Variants in ADAMTSL1 observed in about 807,000 individuals in gnomAD.
The protein encoded by ADAMTSL1 is ADAMTS like 1, also known as ADAMTS-like protein 1.
ADAMTSL1 carries 126 observed loss-of-function variants against 201.8 expected under a neutral mutation model. The ratio of observed to expected loss-of-function variants is 0.62; its 90% CI spans 0.54 to 0.72. ADAMTSL1 has a LOEUF of 0.72. Among genes scored for constraint, ADAMTSL1 ranks in the 30% least tolerant of loss-of-function variants. The pLI is 0.00. For synonymous variants in ADAMTSL1, 1,121 were observed against 903.4 expected (o/e 1.24, Z -4.32); for missense variants, 2,679 against 2,277.8 (o/e 1.18, Z -3.59).
At chr9:18,018,327 C>A (rs183011403) in intron 1 of ADAMTSL1, among the ~76,000 whole-genome samples, 594 of 152,172 alleles carry the variant, frequency 3.9e-3, no homozygotes, top group Non-Finnish European at 6.6e-3. Context: ...GACAGTGTAG[C>A]AGACAACCTT....
At chr9:18,599,151 A>G (rs577997605) in intron 4 of ADAMTSL1, among the ~76,000 whole-genome samples, 2 of 152,316 alleles carry the variant, frequency 1.3e-5, no homozygotes, top group South Asian at 2.1e-4. Context: ...TTATTGAGCC[A>G]CATGATATAA....
chr9:18,844,011 G>A (rs775896039), intron 23 of ADAMTSL1, among the ~76,000 whole-genome samples: 40 of 152,156 alleles, frequency 2.6e-4, no homozygotes, highest in Admixed American at 6.5e-4. Context: ...TAGTTTGATC[G>A]TCTGAAGACT....
intron 23 of ADAMTSL1, among the ~76,000 whole-genome samples, chr9:18,876,945 G>C (rs1828200060): frequency 6.6e-6 from 1 of 152,068 alleles, no homozygotes; most frequent in Non-Finnish European, 1.5e-5. Flanking sequence ...TTGTTCATTT[G>C]TTTTAATCTT....
rs376857976 is a variant in ADAMTSL1 at position 18,730,218 on chromosome 9, T to A, written c.2006+8553T>A. 2.4e-4 allele frequency among the ~76,000 whole-genome samples: 37 copies of A among 152,110 alleles called. No individual in the cohort carries two copies. In the East Asian group the frequency reaches 7.0e-3, roughly 29 times the overall value. On this transcript the variant is annotated intron_variant, in intron 15 of 28. Coordinates refer to ENST00000380548, the MANE Select transcript of ADAMTSL1 (RefSeq NM_001040272.6). ...CTCATGAACAATTTGACGAGAAGAG[T>A]TTTTCTATTGACCTTATAGTTAGAA...
chr9:18,285,941 C>G (rs1169039856), intron 2 of ADAMTSL1, among the ~76,000 whole-genome samples: 1 of 152,094 alleles, frequency 6.6e-6, no homozygotes, highest in Non-Finnish European at 1.5e-5. Context: ...CCACTATGTT[C>G]TATCTAAGAA....
At chr9:18,867,425 T>C (rs1334183962) in intron 23 of ADAMTSL1, among the ~76,000 whole-genome samples, 1 of 152,244 alleles carries the variant, frequency 6.6e-6, no homozygotes, top group East Asian at 1.9e-4. Context: ...GAGTCATTCC[T>C]GATGATTTAA....
intron 2 of ADAMTSL1, among the ~76,000 whole-genome samples, chr9:18,429,884 G>A (rs1335719530): frequency 6.6e-6 from 1 of 151,982 alleles, no homozygotes; most frequent in Non-Finnish European, 1.5e-5. Context: ...CTGCCTCCCG[G>A]GTTCAAGCGA....
intron 1 of ADAMTSL1, among the ~76,000 whole-genome samples, chr9:17,935,307 G>A (rs1826960083): frequency 6.6e-6 from 1 of 152,044 alleles, no homozygotes; most frequent in East Asian, 1.9e-4. Flanking sequence ...TGTTCCCCCG[G>A]CACCAGTTCT....
intron 4 of ADAMTSL1, among the ~76,000 whole-genome samples, chr9:18,580,827 C>A (rs1372794050): frequency 6.6e-6 from 1 of 152,194 alleles, no homozygotes; most frequent in South Asian, 2.1e-4. Context: ...AGAATTTTCA[C>A]TGTGAGAGGA....
intron 1 of ADAMTSL1, among the ~76,000 whole-genome samples, chr9:17,996,973 T>G (rs1368500789): frequency 1.3e-5 from 2 of 152,160 alleles, no homozygotes; most frequent in African/African-American, 4.8e-5. Context: ...GCTTTCTGAT[T>G]TAACCTCCTT....
chr9:18,626,839 T>TACTGTCTTTTTC lies in ADAMTSL1; in HGVS notation c.601+4470_601+4471insACTGTCTTTTTC, dbSNP rs1554717999. Among the ~76,000 whole-genome samples, 111 of 133,360 alleles carry TACTGTCTTTTTC rather than the reference T, an allele frequency of 8.3e-4. 1 individual carries two copies. The highest frequency in any genetic ancestry group is 2.9e-3 in the African/African-American group (102 of 34,726). 87.5% of individuals were successfully genotyped at this position (133,360 alleles called of 152,430 possible). A position where few individuals can be genotyped will look rare whatever the true frequency, so the allele number is the denominator to read the frequency against. On this transcript the variant is annotated intron_variant, in intron 5 of 28. Transcript: ENST00000380548. ...TTTCTTTCTTTCTTTCTTACTTTCTTTTTCTTTCTTTCTTTCTTTCTTTCT... is the reference window on the plus strand; with the variant it reads ...TTTCTTTCTTTCTTTCTTACTTTCTTACTGTCTTTTTCTTTCTTTCTTTCTTTCTTTCTTTCT...
chr9:18,376,747 A>G (rs1837313296), intron 2 of ADAMTSL1, among the ~76,000 whole-genome samples: 1 of 152,212 alleles, frequency 6.6e-6, no homozygotes, highest in Admixed American at 6.5e-5. Context: ...CAGAGGTTGC[A>G]GTGAGCCAAG....
chr9:18,851,833 TA>T, intron 23 of ADAMTSL1, among the ~76,000 whole-genome samples: 1 of 152,202 alleles, frequency 6.6e-6, no homozygotes, highest in Non-Finnish European at 1.5e-5. Context: ...GTGTACCAGT[TA>T]AACTCCACCA....
chr9:18,381,388 T>C (rs1837548498), intron 2 of ADAMTSL1, among the ~76,000 whole-genome samples: 1 of 152,212 alleles, frequency 6.6e-6, no homozygotes, highest in Admixed American at 6.5e-5. Context: ...TCTTTAGTTT[T>C]TTGAGAAACT....
chr9:18,626,111 C>G, intron 5 of ADAMTSL1, among the ~76,000 whole-genome samples: 1 of 152,208 alleles, frequency 6.6e-6, no homozygotes, highest in Non-Finnish European at 1.5e-5. Flanking sequence ...TTTGGGCTAT[C>G]CTCACAAGCC....
intron 2 of ADAMTSL1, among the ~76,000 whole-genome samples, chr9:18,370,992 T>C (rs1289370485): frequency 6.6e-6 from 1 of 152,192 alleles, no homozygotes; most frequent in Non-Finnish European, 1.5e-5. Context: ...AGCCATTGTT[T>C]AAGAGAGTAA....
rs908362019 is a variant in ADAMTSL1 at position 18,614,150 on chromosome 9, A to G, written c.475-8093A>G. ...GAGGTCAGAGAGGTCGTTCACATAGATGCTGTAGGACACTGTGGGCTGTTG... is the reference window on the plus strand; with the variant it reads ...GAGGTCAGAGAGGTCGTTCACATAGGTGCTGTAGGACACTGTGGGCTGTTG... On this transcript the variant is annotated intron_variant, in intron 4 of 28. Coordinates refer to ENST00000380548, the MANE Select transcript of ADAMTSL1 (RefSeq NM_001040272.6). 1.7e-3 allele frequency among the ~76,000 whole-genome samples: 263 copies of G among 152,256 alleles called. 1 individual carries two copies. The highest frequency in any genetic ancestry group is 6.0e-3 in the African/African-American group (248 of 41,562).
At chr9:18,891,667 A>G (rs1829282654) in intron 25 of ADAMTSL1, among the ~76,000 whole-genome samples, 1 of 152,246 alleles carries the variant, frequency 6.6e-6, no homozygotes, top group South Asian at 2.1e-4. Context: ...CGGTCACGCC[A>G]AGAGATGGAA....
chr9:18,562,196 A>G (rs926637613), intron 3 of ADAMTSL1, among the ~76,000 whole-genome samples: 6 of 151,674 alleles, frequency 4.0e-5, no homozygotes, highest in Non-Finnish European at 8.8e-5. Flanking sequence ...TTCCTTCAGG[A>G]GCTCTTTTAG....
Sources: gnomAD v4.1 joint callset for allele counts (sites outside exome capture counted in the v4.1 genomes callset) on GRCh38, gnomAD v4.1.1 for gene constraint, MANE v1.5 for transcripts, NCBI Gene and HGNC (gene_info 2026-07-23, HGNC 2026-07-21) for gene names.